OPCML: variants seen among roughly 807,000 people sequenced by gnomAD.
OPCML encodes the protein opioid binding protein/cell adhesion molecule like, also known as opioid-binding protein/cell adhesion molecule.
A neutral mutation model predicts 37.8 loss-of-function variants in OPCML; 13 were observed. The observed-to-expected ratio is 0.34, with a 90% CI of 0.22 to 0.55. The LOEUF is 0.55. Among genes scored for constraint, OPCML ranks in the 20% least tolerant of loss-of-function variants. The pLI, the probability that OPCML is intolerant of heterozygous loss-of-function variation, is 0.91. For synonymous variants in OPCML, 176 were observed against 168.8 expected, an observed-to-expected ratio of 1.04 and a Z score of -0.33; for missense variants, 341 against 435.6, an observed-to-expected ratio of 0.78 and a Z score of 1.93.
rs141729088 is a variant in OPCML at position 132,735,248 on chromosome 11, C to T, written c.147-77929G>A. Among the ~76,000 whole-genome samples the T allele has an allele frequency of 2.0e-4, 31 of 152,076 alleles. No individual in the cohort carries two copies. In the East Asian group the frequency reaches 3.7e-3, roughly 18 times the overall value. On this transcript the variant is annotated intron_variant, in intron 2 of 7. Coordinates refer to ENST00000524381, the MANE Select transcript of OPCML (RefSeq NM_001012393.5). ...GGCAAACTTGGTATTAGACATTAAA[C>T]CGAGAGTGTAGTTGTGAAATCTTTT...
At chr11:133,284,390 G>A (rs147093682) in intron 1 of OPCML, among the ~76,000 whole-genome samples, 30 of 152,352 alleles carry the variant, frequency 2.0e-4, no homozygotes, top group African/African-American at 7.2e-4. Context: ...AGCAAAAGCG[G>A]GTGTTTGGGA....
chr11:133,217,525 A>C (rs1386416289), intron 1 of OPCML, among the ~76,000 whole-genome samples: 1 of 152,118 alleles, frequency 6.6e-6, no homozygotes, highest in African/African-American at 2.4e-5. Flanking sequence ...AGAGGAATGA[A>C]TCTCCTTTGG....
At chr11:133,446,082 CTAA>C (rs1403845224) in intron 1 of OPCML, among the ~76,000 whole-genome samples, 3 of 152,168 alleles carry the variant, frequency 2.0e-5, no homozygotes, top group Non-Finnish European at 4.4e-5. Context: ...GCTCATTCTG[CTAA>C]TAAGATTCTC....
intron 2 of OPCML, among the ~76,000 whole-genome samples, chr11:132,830,579 T>G (rs998758255): frequency 1.2e-4 from 19 of 152,200 alleles, no homozygotes; most frequent in African/African-American, 4.6e-4. Flanking sequence ...TCTGCAAATA[T>G]CAGAATCTAA....
intron 2 of OPCML, among the ~76,000 whole-genome samples, chr11:132,704,289 T>C (rs759014543): frequency 4.6e-5 from 7 of 152,168 alleles, no homozygotes; most frequent in Non-Finnish European, 8.8e-5. Flanking sequence ...AGAAGTTACC[T>C]GAGAATGTAC....
At chr11:132,880,692 T>C (rs1943193942) in intron 2 of OPCML, among the ~76,000 whole-genome samples, 2 of 152,256 alleles carry the variant, frequency 1.3e-5, no homozygotes, top group South Asian at 4.1e-4. Context: ...GGTTAGCACT[T>C]ACAGTAATTA....
intron 1 of OPCML, among the ~76,000 whole-genome samples, chr11:132,976,899 G>A (rs1380001890): frequency 6.6e-6 from 1 of 152,040 alleles, no homozygotes; most frequent in African/African-American, 2.4e-5. Flanking sequence ...ATTAGAGAAG[G>A]GGCAGAAAAT....
At chr11:133,109,625 T>C (rs1038120377) in intron 1 of OPCML, among the ~76,000 whole-genome samples, 5 of 152,138 alleles carry the variant, frequency 3.3e-5, no homozygotes, top group African/African-American at 1.2e-4. Flanking sequence ...GTTCTCCAAG[T>C]TCCCACTCGA....
intron 1 of OPCML, among the ~76,000 whole-genome samples, chr11:133,243,278 G>T (rs1287121225): frequency 6.6e-6 from 1 of 152,324 alleles, no homozygotes; most frequent in East Asian, 1.9e-4. Flanking sequence ...CTGGAGTGGG[G>T]TTCCTGCAGT....
intron 1 of OPCML, chr11:133,423,286 G>C: frequency 1.0e-6 from 1 of 985,276 alleles, no homozygotes; most frequent in Non-Finnish European, 1.2e-6. Context: ...TGGAATTTTA[G>C]GCAGAAAGAA....
chr11:133,280,607 T>C (rs1019499763), intron 1 of OPCML, among the ~76,000 whole-genome samples: 2 of 152,182 alleles, frequency 1.3e-5, no homozygotes, highest in African/African-American at 2.4e-5. Flanking sequence ...TGAGGTACTA[T>C]GTGTGAATAA....
chr11:133,030,957 A>G (rs1947655916), intron 1 of OPCML, among the ~76,000 whole-genome samples: 1 of 152,168 alleles, frequency 6.6e-6, no homozygotes. Flanking sequence ...ACTAGGGAAA[A>G]TTGGGGAAAT....
rs144641409 is a variant in OPCML at position 132,460,087 on chromosome 11, A to G, written c.506-22728T>C. Among the ~76,000 whole-genome samples the G allele has an allele frequency of 3.6e-4, 55 of 152,314 alleles. 1 individual carries two copies. The highest frequency in any genetic ancestry group is 1.2e-3 in the African/African-American group (49 of 41,578). ...ACAGGTGATTTTTCCTTGGGAAAACATTGTACTTTGTGCTTTGGGCATACT... is the reference window on the plus strand; with the variant it reads ...ACAGGTGATTTTTCCTTGGGAAAACGTTGTACTTTGTGCTTTGGGCATACT... On this transcript the variant is annotated intron_variant, in intron 4 of 7. Transcript: ENST00000524381.
At chr11:132,629,169 C>G (rs948114477) in intron 3 of OPCML, among the ~76,000 whole-genome samples, 1 of 152,062 alleles carries the variant, frequency 6.6e-6, no homozygotes, top group African/African-American at 2.4e-5. Context: ...CTGGTGCTTC[C>G]CTGCTTGGTC....
At chr11:133,471,177 G>C (rs1947103959) in intron 1 of OPCML, among the ~76,000 whole-genome samples, 1 of 152,202 alleles carries the variant, frequency 6.6e-6, no homozygotes, top group Non-Finnish European at 1.5e-5. Context: ...CTCAGCATTG[G>C]GAGGGATCAC....
intron 1 of OPCML, among the ~76,000 whole-genome samples, chr11:133,073,086 C>T (rs1358186300): frequency 6.6e-6 from 1 of 152,164 alleles, no homozygotes; most frequent in Non-Finnish European, 1.5e-5. Flanking sequence ...TTCTGAGGAA[C>T]CAGGTACGAT....
intron 1 of OPCML, among the ~76,000 whole-genome samples, chr11:133,486,014 A>G (rs546368156): frequency 6.6e-6 from 1 of 152,326 alleles, no homozygotes; most frequent in East Asian, 1.9e-4. Context: ...TGCCTTACAG[A>G]GAAAATATGT....
intron 1 of OPCML, among the ~76,000 whole-genome samples, chr11:133,195,870 C>T (rs1938516535): frequency 6.6e-6 from 1 of 152,110 alleles, no homozygotes. Flanking sequence ...ATATATATTG[C>T]CATACTAAAC....
chr11:133,228,198 T>C (rs1027452077), intron 1 of OPCML, among the ~76,000 whole-genome samples: 2 of 152,164 alleles, frequency 1.3e-5, no homozygotes, highest in Non-Finnish European at 2.9e-5. Context: ...GTATACGTCT[T>C]TCACTGGTAC....
Sources: allele counts gnomAD v4.1 joint callset (sites outside exome capture counted in the v4.1 genomes callset), GRCh38; gene constraint gnomAD v4.1.1; transcripts MANE v1.5; gene names NCBI Gene and HGNC (gene_info 2026-07-23, HGNC 2026-07-21).